The following DEFB104B variants were observed in gnomAD, a reference collection of about 807,000 sequenced individuals.
DEFB104B encodes defensin beta 104B.
chr8:7,471,010 C>G (rs1315218521), intron 1 of DEFB104B, among the ~76,000 whole-genome samples: 4 of 150,944 alleles, frequency 2.6e-5, no homozygotes, highest in East Asian at 2.0e-4. Flanking sequence ...ATTCTTTGAA[C>G]TTTTATGTCT....
rs1226232913 is a variant in DEFB104B at position 7,471,936 on chromosome 8, T to C, written c.59-1420A>G. ...GTAAAGAGAAGCCTCCTGTTTCTGA[T>C]GCTTAGGTATCAAGGTTCTTTGTCC... is the stretch of plus-strand genomic sequence containing the variant. On this transcript the variant is annotated intron_variant, in intron 1 of 1. Coordinates refer to ENST00000316169, the MANE Select transcript of DEFB104B (RefSeq NM_001040702.1). Among the ~76,000 whole-genome samples the C allele has an allele frequency of 1.9e-3, 288 of 150,062 alleles. 1 individual carries two copies. Among genetic ancestry groups the C allele is most frequent in the African/African-American group, 6.7e-3 (265 of 39,678 alleles).
chr8:7,474,391 T>C (rs1426426728), intron 1 of DEFB104B, among the ~76,000 whole-genome samples: 5 of 143,566 alleles, frequency 3.5e-5, no homozygotes, highest in Non-Finnish European at 4.7e-5. Context: ...TCTGGGGACA[T>C]AGATTAACGT....
Position 7,470,416 on chromosome 8 carries a change from GT to G in DEFB104B, c.158del (p.Asn53ThrfsTer7), listed in dbSNP as rs1267977244. The G allele has an allele frequency of 1.7e-4, 39 of 235,836 alleles. No individual in the cohort carries two copies. Among genetic ancestry groups the G allele is most frequent in the South Asian group, 7.5e-4 (14 of 18,614 alleles). 14.6% of individuals were successfully genotyped at this position (235,836 alleles called of 1,614,324 possible). On this transcript the variant is annotated frameshift_variant, in exon 2 of 2. Coordinates refer to ENST00000316169, the MANE Select transcript of DEFB104B (RefSeq NM_001040702.1). LOFTEE classifies it high-confidence loss of function. ...ATTTTCTCAAACAGCATGCATAGGT[GT>G]TGGGACATCTTCCAATTCTGTATTC... ...SQEYRIGRCP[N>X]TYACCLRKWD...
intron 1 of DEFB104B, among the ~76,000 whole-genome samples, chr8:7,474,407 T>C (rs2128878401): frequency 7.0e-6 from 1 of 142,814 alleles, no homozygotes; most frequent in African/African-American, 2.6e-5. Flanking sequence ...AACGTAGGAG[T>C]CAGAAGATTG....
intron 1 of DEFB104B, among the ~76,000 whole-genome samples, chr8:7,472,412 A>C (rs1810985463): frequency 7.4e-6 from 1 of 135,320 alleles, no homozygotes; most frequent in Non-Finnish European, 1.6e-5. Flanking sequence ...GGCTCAGAGA[A>C]GGAAAGTGAC....
At chr8:7,474,401 T>A (rs1414951286) in intron 1 of DEFB104B, among the ~76,000 whole-genome samples, 2 of 137,608 alleles carry the variant, frequency 1.5e-5, no homozygotes, top group Non-Finnish European at 3.3e-5. Flanking sequence ...TAGATTAACG[T>A]AGGAGTCAGA....
At chr8:7,473,123 C>G (rs1404402511) in intron 1 of DEFB104B, among the ~76,000 whole-genome samples, 10 of 141,242 alleles carry the variant, frequency 7.1e-5, no homozygotes, top group Admixed American at 4.6e-4. Flanking sequence ...TCCCAAAATG[C>G]TGAGATTACA....
chr8:7,472,836 G>GT (rs372274885), intron 1 of DEFB104B, among the ~76,000 whole-genome samples: 2,455 of 130,082 alleles, frequency 0.019, 107 homozygotes, highest in African/African-American at 0.044. Context: ...GATTTGCTTT[G>GT]TTTTTTTTGT....
At chr8:7,472,846 T>TTG (rs1811001477) in intron 1 of DEFB104B, among the ~76,000 whole-genome samples, 1 of 114,888 alleles carries the variant, frequency 8.7e-6, no homozygotes, top group Non-Finnish European at 1.6e-5. Flanking sequence ...GTTTTTTTTG[T>TTG]TTGTTTGTTT....
intron 1 of DEFB104B, among the ~76,000 whole-genome samples, chr8:7,474,537 A>C (rs1405150424): frequency 7.1e-6 from 1 of 141,200 alleles, no homozygotes; most frequent in Non-Finnish European, 1.6e-5. Context: ...TAATCATCTG[A>C]CTTGATATGA....
At chr8:7,472,077 T>C (rs1407514824) in intron 1 of DEFB104B, among the ~76,000 whole-genome samples, 2 of 150,048 alleles carry the variant, frequency 1.3e-5, no homozygotes, top group Non-Finnish European at 2.9e-5. Flanking sequence ...ACTGTTTTGC[T>C]GTAGGCTTCA....
At chr8:7,472,479 T>C (rs113934240) in intron 1 of DEFB104B, among the ~76,000 whole-genome samples, 12,842 of 136,924 alleles carry the variant, frequency 0.094, 926 homozygotes, top group Non-Finnish European at 0.11. Flanking sequence ...ACCTAGTTGG[T>C]ATGTCTTACA....
At chr8:7,474,543 T>TA (rs1456665996) in intron 1 of DEFB104B, among the ~76,000 whole-genome samples, 2 of 141,456 alleles carry the variant, frequency 1.4e-5, no homozygotes, top group East Asian at 4.0e-4. Context: ...TCTGACTTGA[T>TA]ATGAAAAGTT....
intron 1 of DEFB104B, among the ~76,000 whole-genome samples, chr8:7,471,254 A>C (rs1419388513): frequency 7.4e-5 from 9 of 121,722 alleles, no homozygotes; most frequent in Non-Finnish European, 1.4e-4. Flanking sequence ...ATATTTTGTT[A>C]TTTGCTATTC....
At chr8:7,472,392 T>A (rs1810984609) in intron 1 of DEFB104B, among the ~76,000 whole-genome samples, 1 of 132,238 alleles carries the variant, frequency 7.6e-6, no homozygotes. Context: ...TATTTAGAGA[T>A]GGGAATGAAG....
In DEFB104B at chr8:7,474,340, C is replaced by G. The variant is rs199593794; in HGVS notation, c.58+671G>C. ...TAAAAGAAGGGAATTAGATTAGGTGCTCACTCATATCCATTGCAAATATAT... is the reference window on the plus strand; with the variant it reads ...TAAAAGAAGGGAATTAGATTAGGTGGTCACTCATATCCATTGCAAATATAT... On this transcript the variant is annotated intron_variant, in intron 1 of 1. Transcript: ENST00000316169. 8.6e-4 allele frequency among the ~76,000 whole-genome samples: 125 copies of G among 144,766 alleles called. 4 individuals are homozygous for G. Among genetic ancestry groups the G allele is most frequent in the East Asian group, 2.6e-3 (13 of 5,034 alleles). The allele number at this position is 144,766 out of a possible 152,430, so 95.0% of individuals were successfully genotyped here.
chr8:7,472,052 G>A (rs1376889754), intron 1 of DEFB104B, among the ~76,000 whole-genome samples: 3 of 150,758 alleles, frequency 2.0e-5, no homozygotes, highest in Admixed American at 6.6e-5. Context: ...GCCCCACAGC[G>A]GGTGATGAGG....
At position 7,474,097 on chromosome 8, in the gene DEFB104B, A is replaced by T. The variant is rs543740181; in HGVS notation, c.58+914T>A. Among the ~76,000 whole-genome samples the T allele has an allele frequency of 3.5e-5, 5 of 141,084 alleles. No homozygotes were observed. In the South Asian group the frequency reaches 6.6e-4, roughly 19 times the overall value. 92.6% of individuals were successfully genotyped at this position (141,084 alleles called of 152,430 possible). A position where few individuals can be genotyped will look rare whatever the true frequency, so the allele number is the denominator to read the frequency against. On this transcript the variant is annotated intron_variant, in intron 1 of 1. Coordinates refer to ENST00000316169, the MANE Select transcript of DEFB104B (RefSeq NM_001040702.1). Reference sequence around the variant, plus strand: ...CCCTCTGAAAAAAAATCATTAACCCATCTGAATCACAGTGGAGGCACAGCC... The same window carrying T: ...CCCTCTGAAAAAAAATCATTAACCCTTCTGAATCACAGTGGAGGCACAGCC...
intron 1 of DEFB104B, among the ~76,000 whole-genome samples, chr8:7,471,412 T>TAACCA (rs1259069400): frequency 1.6e-4 from 8 of 50,228 alleles, no homozygotes; most frequent in Non-Finnish European, 2.8e-4. Flanking sequence ...CTAGAGTGGT[T>TAACCA]GCAAGTAGAG....
Sources: gnomAD v4.1 joint callset for allele counts (sites outside exome capture counted in the v4.1 genomes callset) on GRCh38, gnomAD v4.1.1 for gene constraint, MANE v1.5 for transcripts, NCBI Gene and HGNC (gene_info 2026-07-23, HGNC 2026-07-21) for gene names.